CACNB2: variants seen among roughly 807,000 people sequenced by gnomAD.
The protein encoded by CACNB2 is calcium voltage-gated channel auxiliary subunit beta 2.
In CACNB2, 42 loss-of-function variants were observed where a neutral mutation model predicts 73.3. The ratio of observed to expected loss-of-function variants is 0.57; its 90% CI spans 0.45 to 0.74. The LOEUF (loss-of-function observed/expected upper bound fraction) is 0.74, where lower values mean the gene tolerates loss of function less well. CACNB2 is among the 30% of genes least tolerant of loss of function. The pLI is 0.00. For synonymous variants in CACNB2, 348 were observed against 310.3 expected (o/e 1.12, Z -1.28); for missense variants, 940 against 853.0 (o/e 1.10, Z -1.27).
Position 18,424,330 on chromosome 10 carries a change from G to A in CACNB2, c.333+22287G>A, listed in dbSNP as rs969258319. 5.3e-5 allele frequency among the ~76,000 whole-genome samples: 8 copies of A among 152,188 alleles called. 1 individual carries two copies. The East Asian group carries it at 5.8e-4, about 11-fold the overall frequency. On this transcript the variant is annotated intron_variant, in intron 3 of 13. Coordinates refer to ENST00000324631, the MANE Select transcript of CACNB2 (RefSeq NM_201596.3). ...AACAGCTGAGGGGAGTTTTGCAGTC[G>A]TATTCATACGCACTTTCAATTGCAT...
At chr10:18,360,199 G>C (rs892891058) in intron 2 of CACNB2, among the ~76,000 whole-genome samples, 1 of 152,132 alleles carries the variant, frequency 6.6e-6, no homozygotes, top group Non-Finnish European at 1.5e-5. Flanking sequence ...CCTATATAAA[G>C]GAGGAAACTG....
chr10:18,408,257 G>A (rs1416921219), intron 3 of CACNB2, among the ~76,000 whole-genome samples: 1 of 22,376 alleles, frequency 4.5e-5, no homozygotes, highest in Non-Finnish European at 1.3e-4. Context: ...TTTTTTTTTT[G>A]AGATGGAGTC....
Position 18,500,444 on chromosome 10 carries a change from C to A in CACNB2, c.457-368C>A, listed in dbSNP as rs571582176. Among the ~76,000 whole-genome samples the A allele has an allele frequency of 1.1e-4, 17 of 152,194 alleles. No homozygotes were observed. In the South Asian group the frequency reaches 3.5e-3, roughly 32 times the overall value. ...CTTTCTCTCAATAATTCCAATTGGT[C>A]TGATTATATAAGGGGAAGATTTCTG... On this transcript the variant is annotated intron_variant, in intron 4 of 13. Transcript: ENST00000324631.
intron 2 of CACNB2, among the ~76,000 whole-genome samples, chr10:18,325,512 G>GTCTT (rs985913572): frequency 6.7e-6 from 1 of 150,096 alleles, no homozygotes; most frequent in Non-Finnish European, 1.5e-5. Flanking sequence ...TAGTCTGTCT[G>GTCTT]TCTTTCTTTC....
At chr10:18,358,649 G>GT (rs901112320) in intron 2 of CACNB2, among the ~76,000 whole-genome samples, 2 of 151,330 alleles carry the variant, frequency 1.3e-5, no homozygotes, top group South Asian at 2.1e-4. Context: ...GACATGCCAA[G>GT]TTTTTTTTAA....
intron 2 of CACNB2, among the ~76,000 whole-genome samples, chr10:18,375,690 T>C (rs1056528643): frequency 2.0e-5 from 3 of 152,212 alleles, no homozygotes; most frequent in Admixed American, 6.5e-5. Context: ...GGCCTGAGCA[T>C]GTTTATTCAT....
chr10:18,514,197 C>G, intron 6 of CACNB2, 39 bp from the exon 7 acceptor site: 1 of 1,609,766 alleles, frequency 6.2e-7, no homozygotes, highest in Non-Finnish European at 8.5e-7. Context: ...CCTATTTTTC[C>G]TCTCCTGTCC....
At chr10:18,191,495 A>G (rs185495510) in intron 2 of CACNB2, among the ~76,000 whole-genome samples, 2 of 152,114 alleles carry the variant, frequency 1.3e-5, no homozygotes, top group African/African-American at 4.8e-5. Context: ...TGGTTACATG[A>G]GTAAGTTGTT....
chr10:18,227,209 A>G (rs1459069067), intron 2 of CACNB2, among the ~76,000 whole-genome samples: 1 of 152,160 alleles, frequency 6.6e-6, no homozygotes, highest in Non-Finnish European at 1.5e-5. Flanking sequence ...GCATCAGATC[A>G]AAGCAAAAGA....
chr10:18,270,471 G>A (rs2038003608), intron 2 of CACNB2, among the ~76,000 whole-genome samples: 1 of 151,730 alleles, frequency 6.6e-6, no homozygotes, highest in Non-Finnish European at 1.5e-5. Flanking sequence ...TTTTTCAAGA[G>A]CAATCATGGT....
At chr10:18,288,447 T>C (rs2038896951) in intron 2 of CACNB2, among the ~76,000 whole-genome samples, 1 of 152,190 alleles carries the variant, frequency 6.6e-6, no homozygotes. Flanking sequence ...ATCTCTTGCA[T>C]TCCTATTTTA....
intron 2 of CACNB2, among the ~76,000 whole-genome samples, chr10:18,305,792 A>G (rs1055356933): frequency 6.6e-6 from 1 of 152,126 alleles, no homozygotes; most frequent in African/African-American, 2.4e-5. Context: ...CCCCAGGTAT[A>G]GGGGGAGAAG....
intron 2 of CACNB2, among the ~76,000 whole-genome samples, chr10:18,180,616 C>T (rs933473296): frequency 6.6e-5 from 10 of 152,056 alleles, no homozygotes; most frequent in African/African-American, 2.4e-4. Context: ...CAGTGTAAAC[C>T]ACACATCAAT....
chr10:18,471,302 A>G (rs2048175949), intron 3 of CACNB2, among the ~76,000 whole-genome samples: 1 of 152,168 alleles, frequency 6.6e-6, no homozygotes. Context: ...GTGAAACTCC[A>G]TCTCAGAAAG....
At chr10:18,383,197 T>C (rs1421453239) in intron 2 of CACNB2, among the ~76,000 whole-genome samples, 1 of 152,252 alleles carries the variant, frequency 6.6e-6, no homozygotes, top group Admixed American at 6.5e-5. Context: ...CAAATATTTA[T>C]TCTGGTACAG....
intron 12 of CACNB2, among the ~76,000 whole-genome samples, chr10:18,537,573 T>TCAA (rs2053725096): frequency 6.6e-6 from 1 of 151,868 alleles, no homozygotes; most frequent in African/African-American, 2.4e-5. Flanking sequence ...GGCCAGGAGT[T>TCAA]CAACACCAGC....
At chr10:18,169,129 G>A (rs935892383) in intron 2 of CACNB2, among the ~76,000 whole-genome samples, 3 of 147,488 alleles carry the variant, frequency 2.0e-5, no homozygotes, top group African/African-American at 8.1e-5. Context: ...TGATCATACT[G>A]TTGCATTGGT....
intron 2 of CACNB2, among the ~76,000 whole-genome samples, chr10:18,336,611 A>G (rs2041017554): frequency 1.4e-5 from 2 of 138,486 alleles, no homozygotes; most frequent in Non-Finnish European, 3.1e-5. Flanking sequence ...AGAGAGAGAG[A>G]CTCCATCTCA....
intron 2 of CACNB2, among the ~76,000 whole-genome samples, chr10:18,337,510 A>T (rs891618634): frequency 2.0e-4 from 31 of 152,210 alleles, no homozygotes; most frequent in African/African-American, 7.2e-4. Flanking sequence ...TGTATCAAAA[A>T]TTTTTAACAG....
Sources: allele counts gnomAD v4.1 joint callset (sites outside exome capture counted in the v4.1 genomes callset), GRCh38; gene constraint gnomAD v4.1.1; transcripts MANE v1.5; gene names NCBI Gene and HGNC (gene_info 2026-07-23, HGNC 2026-07-21).